Variants in FBN1 observed in about 807,000 individuals in gnomAD.
FBN1 encodes the protein fibrillin 1.
Under a neutral mutation model 365.1 loss-of-function variants are expected in FBN1, and 29 were observed. The observed-to-expected ratio is 0.08, with a 90% CI of 0.06 to 0.11. The LOEUF is 0.11. Among genes scored for constraint, FBN1 ranks in the 10% least tolerant of loss-of-function variants. The pLI is 1.00. For missense variants in FBN1, 2,476 were observed against 3,703.2 expected (o/e 0.67, Z 8.60); for synonymous variants, 1,210 against 1,270.5 (o/e 0.95, Z 1.01).
At chr15:48,522,945 T>A (rs2043871891) in intron 9 of FBN1, among the ~76,000 whole-genome samples, 1 of 152,214 alleles carries the variant, frequency 6.6e-6, no homozygotes, top group Non-Finnish European at 1.5e-5. Context: ...TCCAGCCTGG[T>A]CCAGGATAAA....
In FBN1 at chr15:48,468,095, G is replaced by C. The variant is rs1432905742; in HGVS notation, c.4590C>G (p.Arg1530=). 6.2e-7 allele frequency: 1 copy of C among 1,614,050 alleles called. No individual in the cohort carries two copies. The highest frequency in any genetic ancestry group is 8.5e-7 in the Non-Finnish European group (1 of 1,180,000). The change falls in exon 38 of 66, where the codon CGC becomes CGG. Residue 1530 remains arginine (R), a synonymous_variant. Transcript: ENST00000316623. ...NPTRVGCVDT[R]SGNCYLDIRP... Reference sequence around the variant, plus strand: ...GAATATCCAAATAGCAATTTCCAGAGCGGGTATCTATTTACCATATACAAA... The same window carrying C: ...GAATATCCAAATAGCAATTTCCAGACCGGGTATCTATTTACCATATACAAA...
intron 6 of FBN1, among the ~76,000 whole-genome samples, chr15:48,561,935 A>G (rs1404534903): frequency 6.6e-6 from 1 of 152,192 alleles, no homozygotes; most frequent in Non-Finnish European, 1.5e-5. Context: ...TTTAGTGTCC[A>G]TAAGAACCAC....
chr15:48,542,795 G>A (rs1460428760), intron 6 of FBN1, among the ~76,000 whole-genome samples: 1 of 127,306 alleles, frequency 7.9e-6, no homozygotes, highest in Non-Finnish European at 1.8e-5. Flanking sequence ...GTGTGTGTGT[G>A]TGTGTGTGTG....
intron 5 of FBN1, 31 bp downstream of exon 5, chr15:48,600,108 T>C (rs2044549742): frequency 1.4e-6 from 2 of 1,468,888 alleles, no homozygotes; most frequent in African/African-American, 1.4e-5. Flanking sequence ...CAGGTTAACA[T>C]CTAGAATACT....
Position 48,485,428 on chromosome 15 carries a change from C to T in FBN1, c.3658G>A (p.Glu1220Lys). 1 of 1,614,078 alleles carries T rather than the reference C, an allele frequency of 6.2e-7. No homozygotes were observed. The highest frequency in any genetic ancestry group is 1.1e-5 in the South Asian group (1 of 91,082). ...GCAAATCCCGGCTGACAGCTACATT[C>T]ATAGCTGCCTTCAGAGTTTGTGCAG... ...TFCTNSEGSY[E>K]CSCQPGFALM... Residue 1220 changes from glutamate to lysine, a missense_variant, in exon 30 of 66, where the codon GAA becomes AAA. Physicochemically the swap from Glu to Lys is moderately conservative, Grantham distance 56. Coordinates refer to ENST00000316623, the MANE Select transcript of FBN1 (RefSeq NM_000138.5).
chr15:48,418,116 T>C (rs931017818), intron 63 of FBN1, among the ~76,000 whole-genome samples: 2 of 152,254 alleles, frequency 1.3e-5, no homozygotes, highest in African/African-American at 2.4e-5. Context: ...AGAAATGATT[T>C]TTTTTATAGC....
chr15:48,637,997 A>G (rs1016899731), intron 2 of FBN1, among the ~76,000 whole-genome samples: 12 of 152,162 alleles, frequency 7.9e-5, no homozygotes, highest in Non-Finnish European at 5.9e-5. Context: ...TATTTTCAAA[A>G]AAAGTGAGCT....
chr15:48,425,260 T>A (rs1597515798), intron 60 of FBN1, 109 bp downstream of exon 60: 2 of 1,476,530 alleles, frequency 1.4e-6, no homozygotes, highest in Admixed American at 3.3e-5. Context: ...GGGAAGCACC[T>A]CCTGCCTGTA....
At chr15:48,487,578 A>G (rs2043520173) in intron 27 of FBN1, 141 bp from the exon 28 acceptor site, 1 of 1,202,862 alleles carries the variant, frequency 8.3e-7, no homozygotes, top group Admixed American at 1.7e-5. Context: ...CTATTCATAC[A>G]CCAGATCTCC....
Position 48,537,662 on chromosome 15 carries a change from G to C in FBN1, c.685C>G (p.His229Asp). ...GGAATGAAGCCACGGCGGCAGGGGT[G>C]AGGCTGGGCAGGACACATCTCACAG... ...HPCEMCPAQPHPCRRGFIPNI... is the reference protein window; with the variant it reads ...HPCEMCPAQPDPCRRGFIPNI... Residue 229 changes from histidine to aspartate, a missense_variant, in exon 7 of 66, where the codon CAC (histidine) becomes GAC (aspartate). Physicochemically the swap from His to Asp is moderately conservative, Grantham distance 81. Transcript: ENST00000316623. 1 of 1,614,246 alleles carries C rather than the reference G, an allele frequency of 6.2e-7. No homozygotes were observed.
rs1371192886 is a variant in FBN1, at chr15:48,468,658, A to T, written c.4460-124T>A. On this transcript the variant is annotated intron_variant, in intron 36 of 65. Transcript: ENST00000316623. ...TTTTAAAGCTACTAGTTATAACTAC[A>T]TCTAGAAATGCAGTCTTCCACTTCA... The T allele has an allele frequency of 5.4e-6, 5 of 928,780 alleles. No homozygotes were observed. The East Asian group carries it at 1.3e-4, about 24-fold the overall frequency. The allele number at this position is 928,780 out of a possible 1,614,324, so 57.5% of individuals were successfully genotyped here. A position where few individuals can be genotyped will look rare whatever the true frequency, so the allele number is the denominator to read the frequency against.
rs199613574 is a variant in FBN1 at position 48,445,121 on chromosome 15, C to T, written c.5917+255G>A. 1.3e-4 allele frequency among the ~76,000 whole-genome samples: 18 copies of T among 135,788 alleles called. 1 individual carries two copies. The highest frequency in any genetic ancestry group is 7.0e-4 in the Admixed American group (9 of 12,868). 89.1% of individuals were successfully genotyped at this position (135,788 alleles called of 152,430 possible). ...GAAAAAGTGATTATATATATATATA[C>T]ACATATATATATATACACACACACA... On this transcript the variant is annotated intron_variant, in intron 48 of 65. Transcript: ENST00000316623.
In FBN1 at chr15:48,459,432, T is replaced by C. The variant is rs190745599; in HGVS notation, c.5296+814A>G. Among the ~76,000 whole-genome samples the C allele has an allele frequency of 9.7e-4, 148 of 152,336 alleles. 2 individuals are homozygous for C. Among genetic ancestry groups the C allele is most frequent in the African/African-American group, 3.2e-3 (135 of 41,578 alleles). On this transcript the variant is annotated intron_variant, in intron 43 of 65. Transcript: ENST00000316623. The stretch of plus-strand genomic sequence containing the variant: ...CCAGGCTGATTGCTGGACCAGACTC[T>C]TGTTTTCTTAAACAAGGTCACTGGA...
chr15:48,612,782 T>A (rs1053149137), intron 3 of FBN1, among the ~76,000 whole-genome samples: 1 of 152,182 alleles, frequency 6.6e-6, no homozygotes, highest in Admixed American at 6.5e-5. Context: ...GCACAACATA[T>A]GTAAATGACA....
chr15:48,450,006 G>A (rs1246239568), intron 45 of FBN1, among the ~76,000 whole-genome samples: 2 of 152,200 alleles, frequency 1.3e-5, no homozygotes, highest in Non-Finnish European at 2.9e-5. Flanking sequence ...GAAGTTCCAA[G>A]TGAAGTGGAG....
chr15:48,444,393 G>T, intron 49 of FBN1, 148 bp downstream of exon 49: 1 of 909,108 alleles, frequency 1.1e-6, no homozygotes, highest in Non-Finnish European at 1.8e-6. Context: ...TGTCTTGCCA[G>T]AAGGATGAGA....
intron 7 of FBN1, 34 bp from the exon 8 acceptor site, chr15:48,534,239 A>G (rs1429999231): frequency 1.3e-6 from 2 of 1,598,848 alleles, no homozygotes. Context: ...AGAAAAAAAA[A>G]AAACTCATAT....
chr15:48,411,467 C>T, intron 65 of FBN1, 88 bp from the exon 66 acceptor site: 2 of 1,252,692 alleles, frequency 1.6e-6, no homozygotes, highest in Non-Finnish European at 2.3e-6. Flanking sequence ...AAATTTCACA[C>T]TAATACAATT....
At chr15:48,565,898 C>A (rs1434286218) in intron 6 of FBN1, among the ~76,000 whole-genome samples, 3 of 152,110 alleles carry the variant, frequency 2.0e-5, no homozygotes, top group Non-Finnish European at 4.4e-5. Context: ...GCATGATTTG[C>A]ATTTGAGCCT....
Sources: allele counts gnomAD v4.1 joint callset (sites outside exome capture counted in the v4.1 genomes callset), GRCh38; gene constraint gnomAD v4.1.1; transcripts MANE v1.5; gene names NCBI Gene and HGNC (gene_info 2026-07-23, HGNC 2026-07-21).